Variants in NCAPG2 observed in about 807,000 individuals in gnomAD.
The protein encoded by NCAPG2 is condensin-2 complex subunit G2.
Under a neutral mutation model 141.1 loss-of-function variants are expected in NCAPG2, and 53 were observed. That is an observed-to-expected ratio of 0.38 (90% CI 0.30 to 0.47). The LOEUF is 0.47. NCAPG2 is among the 20% of genes least tolerant of loss of function. The pLI is 0.99. For missense variants in NCAPG2, 1,087 were observed against 1,389.0 expected (o/e 0.78, Z 3.46); for synonymous variants, 499 against 490.7 (o/e 1.02, Z -0.22).
chr7:158,655,763 G>A (rs892084906), intron 19 of NCAPG2, among the ~76,000 whole-genome samples: 7 of 152,384 alleles, frequency 4.6e-5, no homozygotes, highest in Non-Finnish European at 8.8e-5. Flanking sequence ...CTCTGCTGGG[G>A]CTTTGCTTCT....
intron 22 of NCAPG2, among the ~76,000 whole-genome samples, chr7:158,653,106 C>T (rs781100190): frequency 7.2e-5 from 11 of 152,046 alleles, no homozygotes; most frequent in Non-Finnish European, 1.6e-4. Context: ...TGGTGGCTCA[C>T]GCCTGTAATC....
intron 15 of NCAPG2, 49 bp from the exon 16 acceptor site, chr7:158,662,416 C>T: frequency 1.4e-6 from 2 of 1,454,618 alleles, no homozygotes; most frequent in South Asian, 1.5e-5. Context: ...ATAGCAACTA[C>T]TAAAAGGTAA....
intron 25 of NCAPG2, 126 bp downstream of exon 25, chr7:158,646,334 G>T: frequency 1.6e-6 from 1 of 625,842 alleles, no homozygotes; most frequent in South Asian, 2.2e-5. Flanking sequence ...AAAATTATAT[G>T]AAACATTTTT....
In NCAPG2 at chr7:158,655,460, AAT is replaced by A; in HGVS notation, c.2389-7_2389-6del. ...CAGAAGTGACTCCAGATCTGCCTGT[AAT>A]AGAAAAAACCCAAGGGCCACATGCT... On this transcript the variant is annotated splice_polypyrimidine_tract_variant and splice_region_variant and intron_variant, in intron 19 of 27. Coordinates refer to ENST00000356309, the MANE Select transcript of NCAPG2 (RefSeq NM_017760.7). 6.2e-7 allele frequency: 1 copy of A among 1,613,234 alleles called. No homozygotes were observed. Among genetic ancestry groups the A allele is most frequent in the Non-Finnish European group, 8.5e-7 (1 of 1,179,362 alleles).
intron 11 of NCAPG2, among the ~76,000 whole-genome samples, chr7:158,677,048 G>A (rs1834095349): frequency 6.6e-6 from 1 of 152,064 alleles, no homozygotes; most frequent in Admixed American, 6.5e-5. Flanking sequence ...AGAGTTTGTG[G>A]CAAGGGCTGC....
intron 27 of NCAPG2, among the ~76,000 whole-genome samples, chr7:158,643,348 T>C (rs1830772765): frequency 1.3e-5 from 2 of 152,168 alleles, no homozygotes; most frequent in South Asian, 4.2e-4. Context: ...CCCAAAGTGC[T>C]GGGACTATAG....
intron 27 of NCAPG2, among the ~76,000 whole-genome samples, chr7:158,637,970 T>G (rs1004795189): frequency 1.3e-5 from 2 of 151,864 alleles, no homozygotes; most frequent in Non-Finnish European, 2.9e-5. Flanking sequence ...ATGGTGAAAC[T>G]CCGTCTCTAC....
chr7:158,688,049 T>C (rs1834882466), intron 6 of NCAPG2, among the ~76,000 whole-genome samples: 2 of 152,148 alleles, frequency 1.3e-5, no homozygotes, highest in South Asian at 4.1e-4. Flanking sequence ...GATGCATCTA[T>C]CTAGAACTCT....
intron 13 of NCAPG2, among the ~76,000 whole-genome samples, chr7:158,665,955 A>G (rs1297481129): frequency 2.0e-5 from 3 of 152,058 alleles, no homozygotes; most frequent in African/African-American, 7.2e-5. Context: ...TAAGGACAAT[A>G]AGCCCAAATC....
chr7:158,691,696 T>C (rs1835127378), intron 4 of NCAPG2, among the ~76,000 whole-genome samples: 1 of 152,234 alleles, frequency 6.6e-6, no homozygotes. Context: ...ACTAAATTAA[T>C]AACTAGTTTT....
rs751555326 is a variant in NCAPG2, at chr7:158,693,292, T to C, written c.267+17A>G. ...AAAAGAGAAAAACGTTTCTTATTTT[T>C]GAAAAACAAATACTACCATTTTTGA... On this transcript the variant is annotated intron_variant, in intron 3 of 27. Coordinates refer to ENST00000356309, the MANE Select transcript of NCAPG2 (RefSeq NM_017760.7). 1.3e-6 allele frequency: 2 copies of C among 1,588,096 alleles called. No homozygotes were observed. The highest frequency in any genetic ancestry group is 1.7e-6 in the Non-Finnish European group (2 of 1,173,630).
At chr7:158,654,912 C>G in intron 21 of NCAPG2, 1 of 1,118,654 alleles carries the variant, frequency 8.9e-7, no homozygotes, top group Non-Finnish European at 1.2e-6. Context: ...TAATCGAACA[C>G]CTCTTATATG....
Position 158,652,411 on chromosome 7 carries a change from T to C in NCAPG2, c.2816A>G (p.Gln939Arg), listed in dbSNP as rs1398626902. 1 of 1,613,550 alleles carries C rather than the reference T, an allele frequency of 6.2e-7. No homozygotes were observed. Among genetic ancestry groups the C allele is most frequent in the African/African-American group, 1.3e-5 (1 of 74,934 alleles). ...LKEITGSSLI[Q>R]KTDSDEEVAM... ...AACTTCTTCATCTGAATCTGTTTTC[T>C]GAATCAAGGAACTTCCAGTTATCTC... Residue 939 changes from glutamine (Q) to arginine (R), a missense_variant, in exon 23 of 28, where the codon CAG (glutamine) becomes CGG (arginine). Coordinates refer to ENST00000356309, the MANE Select transcript of NCAPG2 (RefSeq NM_017760.7).
intron 27 of NCAPG2, among the ~76,000 whole-genome samples, chr7:158,642,270 G>A (rs1033654056): frequency 5.3e-5 from 8 of 152,302 alleles, no homozygotes; most frequent in African/African-American, 1.9e-4. Context: ...AAACATGGTG[G>A]CTCACACTGG....
At chr7:158,641,511 C>T in intron 27 of NCAPG2, 1 of 678,708 alleles carries the variant, frequency 1.5e-6, no homozygotes, top group Non-Finnish European at 2.7e-6. Flanking sequence ...TCCAGGAGTC[C>T]AGGAGTTAGA....
rs760216569 is a variant in NCAPG2, at chr7:158,686,157, A to G, written c.837+15T>C. On this transcript the variant is annotated intron_variant, in intron 8 of 27. Transcript: ENST00000356309. ...TAATAAAAATAAGTGTTAACATTTA[A>G]AAAAATGAAAATACCTCCAGTATTT... 6.7e-7 allele frequency: 1 copy of G among 1,488,852 alleles called. No homozygotes were observed. The highest frequency in any genetic ancestry group is 9.1e-7 in the Non-Finnish European group (1 of 1,099,754). The allele number at this position is 1,488,852 out of a possible 1,614,324, so 92.2% of individuals were successfully genotyped here. A position where few individuals can be genotyped will look rare whatever the true frequency, so the allele number is the denominator to read the frequency against.
intron 19 of NCAPG2, among the ~76,000 whole-genome samples, chr7:158,655,864 T>TGGGA (rs1831934410): frequency 6.6e-6 from 1 of 151,902 alleles, no homozygotes; most frequent in Admixed American, 6.6e-5. Flanking sequence ...GTGGGACAGC[T>TGGGA]GGGAGCATGA....
At chr7:158,669,937 G>C (rs1019392110) in intron 13 of NCAPG2, among the ~76,000 whole-genome samples, 1 of 151,918 alleles carries the variant, frequency 6.6e-6, no homozygotes, top group Admixed American at 6.6e-5. Flanking sequence ...CACCTCACCC[G>C]GCTGTTACTC....
At chr7:158,685,969 C>G (rs1587271153) in intron 8 of NCAPG2, among the ~76,000 whole-genome samples, 1 of 152,158 alleles carries the variant, frequency 6.6e-6, no homozygotes, top group East Asian at 1.9e-4. Context: ...GAGCTCCCTC[C>G]CAGCTGAAAG....
Sources: gnomAD v4.1 joint callset for allele counts (sites outside exome capture counted in the v4.1 genomes callset) on GRCh38, gnomAD v4.1.1 for gene constraint, MANE v1.5 for transcripts, NCBI Gene and HGNC (gene_info 2026-07-23, HGNC 2026-07-21) for gene names.